The following PCDH11X variants were observed in gnomAD, a reference collection of about 807,000 sequenced individuals.
PCDH11X encodes protocadherin 11 X-linked, also known as protocadherin-11 X-linked.
In PCDH11X, 18 loss-of-function variants were observed where a neutral mutation model predicts 53.3. The observed-to-expected ratio is 0.34, with a 90% confidence interval of 0.23 to 0.50. PCDH11X has a LOEUF of 0.50. Among genes scored for constraint, PCDH11X ranks in the 20% least tolerant of loss-of-function variants. The pLI is 0.98. For synonymous variants in PCDH11X, 279 were observed against 393.3 expected, an observed-to-expected ratio of 0.71 and a Z score of 3.44; for missense variants, 570 against 1,032.4, an observed-to-expected ratio of 0.55 and a Z score of 6.14.
At chrX:91,783,623 A>G (rs1025578763) in intron 1 of PCDH11X, among the ~76,000 whole-genome samples, 10 of 112,381 alleles carry the variant, frequency 8.9e-5, no homozygotes, top group Non-Finnish European at 1.9e-4. Flanking sequence ...GCTAGGATTT[A>G]TAAGATTCTT....
chrX:92,376,139 G>A lies in PCDH11X; in HGVS notation c.3145-11596G>A, dbSNP rs191076693. Among the ~76,000 whole-genome samples, 4 of 111,547 alleles carry A rather than the reference G, an allele frequency of 3.6e-5. No homozygotes were observed. The East Asian group carries it at 1.1e-3, about 31-fold the overall frequency. On this transcript the variant is annotated intron_variant, in intron 8 of 10. Transcript: ENST00000682573. The stretch of plus-strand genomic sequence containing the variant: ...TGTATATATCACAACATATTTTGCT[G>A]TTATTTGGATCAGAGAAAAATCTGT...
Position 91,909,263 on chromosome X carries a change from G to C in PCDH11X, c.3033+29990G>C, listed in dbSNP as rs749862625. On this transcript the variant is annotated intron_variant, in intron 6 of 10. Coordinates refer to ENST00000682573, the MANE Select transcript of PCDH11X (RefSeq NM_032968.5). Reference sequence around the variant, plus strand: ...TTTAAAATGGTATAGTAAAAGAAGAGATAAAAGATAAAAAGGTAAAGGATT... The same window carrying C: ...TTTAAAATGGTATAGTAAAAGAAGACATAAAAGATAAAAAGGTAAAGGATT... 3.2e-4 allele frequency among the ~76,000 whole-genome samples: 36 copies of C among 111,289 alleles called. No individual in the cohort carries two copies. In the South Asian group the frequency reaches 0.014, roughly 42 times the overall value.
chrX:92,604,345 A>G lies in PCDH11X; in HGVS notation c.3368-13919A>G, dbSNP rs907020229. ...ATAGGTATATAGGAGTAATATCTCT[A>G]TGTCCCATGGAATTAACTTACATTA... is the stretch of plus-strand genomic sequence containing the variant. On this transcript the variant is annotated intron_variant, in intron 10 of 10. Coordinates refer to ENST00000682573, the MANE Select transcript of PCDH11X (RefSeq NM_032968.5). Among the ~76,000 whole-genome samples, 32 of 110,054 alleles carry G rather than the reference A, an allele frequency of 2.9e-4. No individual in the cohort carries two copies. In the Admixed American group the frequency reaches 3.1e-3, roughly 11 times the overall value.
chrX:92,100,534 G>A (rs1311166186), intron 6 of PCDH11X, among the ~76,000 whole-genome samples: 1 of 110,366 alleles, frequency 9.1e-6, no homozygotes, highest in Admixed American at 9.7e-5. Context: ...GCAAGGACCG[G>A]CCATTTACAC....
intron 6 of PCDH11X, among the ~76,000 whole-genome samples, chrX:91,912,859 G>A (rs944149504): frequency 2.7e-5 from 3 of 111,905 alleles, no homozygotes; most frequent in Non-Finnish European, 3.8e-5. Flanking sequence ...CAAAACAGGC[G>A]AAAAACTGTA....
At chrX:92,331,371 T>C (rs6618970) in intron 8 of PCDH11X, among the ~76,000 whole-genome samples, 8 of 43,910 alleles carry the variant, frequency 1.8e-4, no homozygotes, top group African/African-American at 1.0e-3. Flanking sequence ...TCCTCCTCCT[T>C]TTCCTCCTCC....
At chrX:92,029,867 T>C (rs1232236195) in intron 6 of PCDH11X, among the ~76,000 whole-genome samples, 1 of 112,342 alleles carries the variant, frequency 8.9e-6, no homozygotes, top group Non-Finnish European at 1.9e-5. Context: ...ATTAATTGAT[T>C]TGTCCATTTC....
chrX:92,256,756 CTGTGTTTA>C (rs2067597650), intron 7 of PCDH11X, among the ~76,000 whole-genome samples: 1 of 110,305 alleles, frequency 9.1e-6, no homozygotes, highest in African/African-American at 3.3e-5. Flanking sequence ...TTGTTCCACC[CTGTGTTTA>C]TGTGTTCTCA....
intron 8 of PCDH11X, among the ~76,000 whole-genome samples, chrX:92,299,898 G>A (rs990411385): frequency 1.9e-5 from 2 of 106,281 alleles, no homozygotes; most frequent in Non-Finnish European, 3.9e-5. Flanking sequence ...TGTGATGTTA[G>A]GTTGTTAAAT....
intron 8 of PCDH11X, among the ~76,000 whole-genome samples, chrX:92,318,175 CA>C (rs2148489750): frequency 9.0e-6 from 1 of 111,676 alleles, no homozygotes; most frequent in East Asian, 2.8e-4. Context: ...TTCATTCTAT[CA>C]AAATACACTA....
At chrX:92,002,171 G>T (rs1041989936) in intron 6 of PCDH11X, among the ~76,000 whole-genome samples, 3 of 110,314 alleles carry the variant, frequency 2.7e-5, no homozygotes, top group African/African-American at 9.9e-5. Flanking sequence ...CTTTCCCCAT[G>T]ATATGTTCTT....
chrX:92,580,404 G>A (rs750622253), intron 10 of PCDH11X, among the ~76,000 whole-genome samples: 2 of 103,363 alleles, frequency 1.9e-5, no homozygotes, highest in East Asian at 5.7e-4. Flanking sequence ...TCTGTCTCAG[G>A]GATATCAGAG....
chrX:92,089,437 G>T (rs1419841375), intron 6 of PCDH11X, among the ~76,000 whole-genome samples: 1 of 112,172 alleles, frequency 8.9e-6, no homozygotes, highest in Admixed American at 9.5e-5. Context: ...CTTTATGGGA[G>T]AGGAATATCT....
chrX:92,028,876 A>C (rs1374798180), intron 6 of PCDH11X, among the ~76,000 whole-genome samples: 1 of 111,614 alleles, frequency 9.0e-6, no homozygotes, highest in Admixed American at 9.6e-5. Context: ...GAAACAGCAA[A>C]GACAAGCTAT....
rs192786165 is a variant in PCDH11X at position 91,857,339 on chromosome X, G to T, written c.541-19442G>T. Among the ~76,000 whole-genome samples the T allele has an allele frequency of 3.7e-3, 412 of 111,542 alleles. 5 individuals are homozygous for T. Among genetic ancestry groups the T allele is most frequent in the African/African-American group, 0.013 (403 of 30,643 alleles). On this transcript the variant is annotated intron_variant, in intron 5 of 10. Transcript: ENST00000682573. ...ATGGGAATTATGGGAGCTGCAATTTGAAATTTGGGTGGGGACACAGCGAAA... is the reference window on the plus strand; with the variant it reads ...ATGGGAATTATGGGAGCTGCAATTTTAAATTTGGGTGGGGACACAGCGAAA...
At chrX:91,929,777 A>G (rs1808931710) in intron 6 of PCDH11X, among the ~76,000 whole-genome samples, 2 of 111,576 alleles carry the variant, frequency 1.8e-5, no homozygotes, top group African/African-American at 3.3e-5. Flanking sequence ...AAAAATATGC[A>G]GTAAAGATTT....
intron 7 of PCDH11X, among the ~76,000 whole-genome samples, chrX:92,224,559 A>G (rs1296711726): frequency 9.0e-6 from 1 of 111,183 alleles, no homozygotes; most frequent in Non-Finnish European, 1.9e-5. Context: ...GACTGTGTTC[A>G]TGTATGGCCA....
At chrX:92,005,428 A>G (rs1458182995) in intron 6 of PCDH11X, among the ~76,000 whole-genome samples, 1 of 111,557 alleles carries the variant, frequency 9.0e-6, no homozygotes, top group Non-Finnish European at 1.9e-5. Context: ...TTATTTTAAT[A>G]TGATAACAAC....
chrX:92,516,559 A>C (rs1339653151), intron 10 of PCDH11X, among the ~76,000 whole-genome samples: 8 of 112,446 alleles, frequency 7.1e-5, no homozygotes, highest in Admixed American at 9.4e-5. Context: ...CTAGTAAAAA[A>C]TCAAATCCCA....
Sources: gnomAD v4.1 joint callset for allele counts (sites outside exome capture counted in the v4.1 genomes callset) on GRCh38, gnomAD v4.1.1 for gene constraint, MANE v1.5 for transcripts, NCBI Gene and HGNC (gene_info 2026-07-23, HGNC 2026-07-21) for gene names.